EMCN: variants seen among roughly 807,000 people sequenced by gnomAD.
EMCN encodes endomucin.
In EMCN, 37 loss-of-function variants were observed where a neutral mutation model predicts 38.4. The ratio of observed to expected loss-of-function variants is 0.96; its 90% CI spans 0.74 to 1.27. The LOEUF is 1.27. EMCN is among the 50% of genes most tolerant of loss of function. The probability of loss-of-function intolerance (pLI) is 0.00; values close to 1 mark genes in which losing one functional copy is unlikely to be tolerated. For synonymous variants in EMCN, 95 were observed against 100.8 expected, an observed-to-expected ratio of 0.94 and a Z score of 0.35; for missense variants, 318 against 302.8, an observed-to-expected ratio of 1.05 and a Z score of -0.37.
At position 100,465,437 on chromosome 4, in the gene EMCN, C is replaced by A; in HGVS notation, c.362G>T (p.Ser121Ile). Residue 121 changes from serine to isoleucine, a missense_variant, in exon 4 of 12, where the codon AGT becomes ATT. Ser to Ile is a moderately radical substitution (Grantham distance 142). Coordinates refer to ENST00000296420, the MANE Select transcript of EMCN (RefSeq NM_016242.4). The part of the protein sequence containing the change: ...TLPNAVSTLQ[S>I]SKPKTETQSS... Reference sequence around the variant, plus strand: ...CTCATACTTACTCTTGGGTTTGGAACTTTGTAATGTTGAAACAGCATTTGG... The same window carrying A: ...CTCATACTTACTCTTGGGTTTGGAAATTTGTAATGTTGAAACAGCATTTGG... 2 of 1,599,988 alleles carry A rather than the reference C, an allele frequency of 1.3e-6. No individual in the cohort carries two copies. Among genetic ancestry groups the A allele is most frequent in the Non-Finnish European group, 1.7e-6 (2 of 1,170,188 alleles).
intron 5 of EMCN, among the ~76,000 whole-genome samples, chr4:100,424,140 A>T (rs918658508): frequency 2.0e-5 from 3 of 152,164 alleles, no homozygotes; most frequent in Non-Finnish European, 4.4e-5. Flanking sequence ...CAAAATCCAT[A>T]GCTGTCAATA....
chr4:100,412,171 C>T (rs1337954795), intron 10 of EMCN, among the ~76,000 whole-genome samples: 1 of 152,042 alleles, frequency 6.6e-6, no homozygotes, highest in East Asian at 1.9e-4. Context: ...GAGAGACAGT[C>T]AGGGGACAGG....
chr4:100,396,460 G>A lies in EMCN; in HGVS notation c.*1953C>T, dbSNP rs1483026172. On this transcript the variant is annotated 3_prime_UTR_variant, in exon 12 of 12. Coordinates refer to ENST00000296420, the MANE Select transcript of EMCN (RefSeq NM_016242.4). ...AGAAGAGTTCATTTCTTTGGAATATGCTGTATGTAACATGGTTTTTGCTGA... is the reference window on the plus strand; with the variant it reads ...AGAAGAGTTCATTTCTTTGGAATATACTGTATGTAACATGGTTTTTGCTGA... The A allele has an allele frequency of 2.0e-5, 3 of 151,642 alleles. No homozygotes were observed. The highest frequency in any genetic ancestry group is 7.3e-5 in the African/African-American group (3 of 41,270). The allele number at this position is 151,642 out of a possible 1,614,324, so 9.4% of individuals were successfully genotyped here.
intron 6 of EMCN, 65 bp from the exon 7 acceptor site, chr4:100,423,145 C>T: frequency 6.7e-7 from 1 of 1,502,398 alleles, no homozygotes; most frequent in South Asian, 1.1e-5. Flanking sequence ...GTCCTCCCTC[C>T]ACCCTCATTT....
intron 1 of EMCN, among the ~76,000 whole-genome samples, chr4:100,506,889 C>G (rs1206212222): frequency 6.6e-6 from 1 of 152,154 alleles, no homozygotes; most frequent in Non-Finnish European, 1.5e-5. Context: ...GACTACCCTT[C>G]TAGCCTAGAT....
intron 7 of EMCN, 140 bp from the exon 8 acceptor site, chr4:100,421,517 CT>C (rs1327417735): frequency 2.9e-6 from 2 of 681,942 alleles, no homozygotes; most frequent in Non-Finnish European, 5.1e-6. Flanking sequence ...GCAAAGATTC[CT>C]CTGATTCATG....
chr4:100,501,991 G>T (rs1729363724), intron 1 of EMCN, among the ~76,000 whole-genome samples: 1 of 152,058 alleles, frequency 6.6e-6, no homozygotes, highest in African/African-American at 2.4e-5. Context: ...AAGGAGTGGG[G>T]TTAAAAGTAG....
chr4:100,412,607 T>C (rs1726595605), intron 10 of EMCN, among the ~76,000 whole-genome samples: 1 of 152,188 alleles, frequency 6.6e-6, no homozygotes, highest in Non-Finnish European at 1.5e-5. Context: ...ATCATGGTGA[T>C]GTTTAACCTG....
At chr4:100,469,203 C>A (rs1381787621) in intron 3 of EMCN, among the ~76,000 whole-genome samples, 2 of 152,078 alleles carry the variant, frequency 1.3e-5, no homozygotes, top group East Asian at 3.9e-4. Flanking sequence ...GAAATTGCAC[C>A]CTTATTTGAC....
chr4:100,515,430 C>A (rs1041923455), intron 1 of EMCN, among the ~76,000 whole-genome samples: 1 of 152,040 alleles, frequency 6.6e-6, no homozygotes, highest in African/African-American at 2.4e-5. Context: ...TATTATACCA[C>A]CAACCAAGTA....
At chr4:100,465,622 A>G in intron 3 of EMCN, 83 bp from the exon 4 acceptor site, 1 of 679,972 alleles carries the variant, frequency 1.5e-6, no homozygotes, top group Non-Finnish European at 2.4e-6. Context: ...TCCAACTAAA[A>G]CTTGAAGATT....
At chr4:100,415,843 T>C (rs1429154950) in intron 10 of EMCN, 55 bp downstream of exon 10, 10 of 1,222,344 alleles carry the variant, frequency 8.2e-6, no homozygotes, top group African/African-American at 1.5e-5. Context: ...TCCAAGGTTA[T>C]AGTTAGATTC....
At chr4:100,451,442 A>T (rs1232799601) in intron 4 of EMCN, among the ~76,000 whole-genome samples, 1 of 151,902 alleles carries the variant, frequency 6.6e-6, no homozygotes, top group African/African-American at 2.4e-5. Flanking sequence ...AAATATACAC[A>T]TTCAAGTATA....
intron 5 of EMCN, among the ~76,000 whole-genome samples, chr4:100,426,091 G>T (rs1008653818): frequency 2.2e-4 from 34 of 152,180 alleles, no homozygotes; most frequent in South Asian, 4.1e-4. Flanking sequence ...GTACATATTT[G>T]GAGACCTCAC....
chr4:100,395,648 C>CA lies in EMCN; in HGVS notation c.*2764dup, dbSNP rs1578382701. Reference sequence around the variant, plus strand: ...TAGAGCTCAACAGAGAATAATCAGGCAAAAAATCAGGAATGTTCATCATCG... The same window carrying CA: ...TAGAGCTCAACAGAGAATAATCAGGCAAAAAAATCAGGAATGTTCATCATCG... On this transcript the variant is annotated 3_prime_UTR_variant, in exon 12 of 12. Transcript: ENST00000296420. The CA allele has an allele frequency of 1.3e-5, 2 of 152,102 alleles. No homozygotes were observed. Among genetic ancestry groups the CA allele is most frequent in the Non-Finnish European group, 2.9e-5 (2 of 67,972 alleles). 9.4% of individuals were successfully genotyped at this position (152,102 alleles called of 1,614,324 possible). A position where few individuals can be genotyped will look rare whatever the true frequency, so the allele number is the denominator to read the frequency against.
At chr4:100,460,636 T>C (rs563194407) in intron 4 of EMCN, among the ~76,000 whole-genome samples, 1 of 152,290 alleles carries the variant, frequency 6.6e-6, no homozygotes, top group South Asian at 2.1e-4. Context: ...CCTGCCCTCA[T>C]GATTCAGTTA....
intron 5 of EMCN, among the ~76,000 whole-genome samples, chr4:100,425,588 A>G (rs917540284): frequency 6.6e-6 from 1 of 152,090 alleles, no homozygotes; most frequent in Non-Finnish European, 1.5e-5. Context: ...TAATAGTTCT[A>G]CATCATGGTA....
intron 3 of EMCN, 70 bp from the exon 4 acceptor site, chr4:100,465,609 A>T: frequency 1.3e-6 from 1 of 764,810 alleles, no homozygotes; most frequent in Non-Finnish European, 2.0e-6. Context: ...ATTCATATTA[A>T]TATCCAACTA....
chr4:100,456,597 A>G (rs924698118), intron 4 of EMCN, among the ~76,000 whole-genome samples: 11 of 152,070 alleles, frequency 7.2e-5, no homozygotes, highest in African/African-American at 2.4e-4. Flanking sequence ...AAGTTACTGT[A>G]GTTTAAAATG....
Sources: allele counts gnomAD v4.1 joint callset (sites outside exome capture counted in the v4.1 genomes callset), GRCh38; gene constraint gnomAD v4.1.1; transcripts MANE v1.5; gene names NCBI Gene and HGNC (gene_info 2026-07-23, HGNC 2026-07-21).